NFIA: variants seen among roughly 807,000 people sequenced by gnomAD.
NFIA encodes the protein nuclear factor 1 A-type.
In NFIA, 8 loss-of-function variants were observed where a neutral mutation model predicts 62.8. The ratio of observed to expected loss-of-function variants is 0.13; its 90% confidence interval spans 0.07 to 0.23. The LOEUF (loss-of-function observed/expected upper bound fraction) is 0.23. Among genes scored for constraint, NFIA ranks in the 10% least tolerant of loss-of-function variants. The pLI is 1.00. For synonymous variants in NFIA, 235 were observed against 238.1 expected, an observed-to-expected ratio of 0.99 and a Z score of 0.12; for missense variants, 410 against 642.1, an observed-to-expected ratio of 0.64 and a Z score of 3.91.
At chr1:61,188,349 C>A (rs191488955) in intron 2 of NFIA, among the ~76,000 whole-genome samples, 36 of 152,146 alleles carry the variant, frequency 2.4e-4, no homozygotes, top group African/African-American at 8.2e-4. Context: ...AGCAATAGCC[C>A]CTCCGAGCTC....
At chr1:61,448,524 G>T (rs191687680) in intron 10 of NFIA, among the ~76,000 whole-genome samples, 2 of 152,284 alleles carry the variant, frequency 1.3e-5, no homozygotes, top group Non-Finnish European at 1.5e-5. Flanking sequence ...TTCTGTAGTA[G>T]CCCCTAGCCA....
chr1:61,371,884 A>T (rs1036652458), intron 6 of NFIA, among the ~76,000 whole-genome samples: 1 of 152,128 alleles, frequency 6.6e-6, no homozygotes, highest in East Asian at 1.9e-4. Context: ...ATCTTGTCTA[A>T]AGACCTTTCC....
chr1:61,335,145 G>A (rs957454713), intron 4 of NFIA, among the ~76,000 whole-genome samples: 2 of 152,164 alleles, frequency 1.3e-5, no homozygotes, highest in African/African-American at 2.4e-5. Flanking sequence ...CTGTGTAATC[G>A]CTCTGGGACT....
chr1:61,277,360 C>A (rs988769502), intron 2 of NFIA, among the ~76,000 whole-genome samples, 160 bp from the exon 3 acceptor site: 1 of 152,228 alleles, frequency 6.6e-6, no homozygotes. Context: ...CCCTCTCTTT[C>A]TTTTCTCTTT....
Position 61,285,292 on chromosome 1 carries a change from C to T in NFIA, c.625+7707C>T, listed in dbSNP as rs553701333. On this transcript the variant is annotated intron_variant, in intron 3 of 10. Coordinates refer to ENST00000403491, the MANE Select transcript of NFIA (RefSeq NM_001134673.4). Reference sequence around the variant, plus strand: ...CCAGCGTGGTGAAAGATCAGAGGGGCGAGCTGGGGTCAGGAATTGGGTATG... The same window carrying T: ...CCAGCGTGGTGAAAGATCAGAGGGGTGAGCTGGGGTCAGGAATTGGGTATG... 1.2e-4 allele frequency among the ~76,000 whole-genome samples: 18 copies of T among 152,170 alleles called. No homozygotes were observed. In the East Asian group the frequency reaches 1.4e-3, roughly 11 times the overall value.
intron 3 of NFIA, among the ~76,000 whole-genome samples, chr1:61,289,911 CATAA>C (rs998881362): frequency 1.3e-5 from 2 of 152,020 alleles, no homozygotes; most frequent in African/African-American, 4.8e-5. Context: ...TGCAACAATC[CATAA>C]ATAGATACTC....
intron 2 of NFIA, among the ~76,000 whole-genome samples, chr1:61,180,202 T>C (rs1001675668): frequency 6.6e-6 from 1 of 152,072 alleles, no homozygotes; most frequent in African/African-American, 2.4e-5. Context: ...AGCCCCTGGC[T>C]TGAACTCCGT....
At chr1:61,084,953 G>A (rs999067374) in intron 1 of NFIA, among the ~76,000 whole-genome samples, 1 of 151,316 alleles carries the variant, frequency 6.6e-6, no homozygotes, top group Admixed American at 6.6e-5. Flanking sequence ...TGCTTATTTA[G>A]TGTAACAGTT....
chr1:61,161,248 G>A (rs911305898), intron 2 of NFIA, among the ~76,000 whole-genome samples: 4 of 152,138 alleles, frequency 2.6e-5, no homozygotes, highest in Non-Finnish European at 5.9e-5. Context: ...TTACGGTTAC[G>A]TTTCCTTTAT....
At position 61,352,416 on chromosome 1, in the gene NFIA, T is replaced by G. The variant is rs201839006; in HGVS notation, c.701-34T>G. 4.2e-5 allele frequency: 61 copies of G among 1,448,936 alleles called. No individual in the cohort carries two copies. In the African/African-American group the frequency reaches 7.0e-4, roughly 17 times the overall value. The allele number at this position is 1,448,936 out of a possible 1,614,324, so 89.8% of individuals were successfully genotyped here. On this transcript the variant is annotated intron_variant, in intron 4 of 10. Coordinates refer to ENST00000403491, the MANE Select transcript of NFIA (RefSeq NM_001134673.4). The stretch of plus-strand genomic sequence containing the variant: ...GTCATTGATTTTTTTATCCACAGAA[T>G]TTAACTGATTTTTGTTTGTTTTCTT...
intron 10 of NFIA, among the ~76,000 whole-genome samples, chr1:61,443,738 G>A (rs1667688184): frequency 1.3e-5 from 2 of 152,218 alleles, no homozygotes; most frequent in African/African-American, 4.8e-5. Context: ...TCAGAGAGAA[G>A]TTGAGAAGGA....
intron 2 of NFIA, among the ~76,000 whole-genome samples, chr1:61,170,868 G>C (rs748376843): frequency 3.9e-5 from 6 of 152,072 alleles, no homozygotes; most frequent in Admixed American, 6.6e-5. Context: ...TAAAGAAGCA[G>C]ACTTTGTTGT....
chr1:61,233,090 A>AT lies in NFIA; in HGVS notation c.560-44429dup, dbSNP rs1411027677. On this transcript the variant is annotated intron_variant, in intron 2 of 10. Coordinates refer to ENST00000403491, the MANE Select transcript of NFIA (RefSeq NM_001134673.4). ...CTCTGGAGCACTGCTTTTTAAAAAAATGTTCTTTCTTTTTTCCCCCTCCCT... is the reference window on the plus strand; with the variant it reads ...CTCTGGAGCACTGCTTTTTAAAAAAATTGTTCTTTCTTTTTTCCCCCTCCCT... 2.6e-5 allele frequency among the ~76,000 whole-genome samples: 4 copies of AT among 152,156 alleles called. No individual in the cohort carries two copies. In the East Asian group the frequency reaches 7.7e-4, roughly 29 times the overall value.
In NFIA at chr1:61,458,748, C is replaced by T. The variant is rs1417360872; in HGVS notation, c.*3428C>T. On this transcript the variant is annotated 3_prime_UTR_variant, in exon 11 of 11. Transcript: ENST00000403491. ...TTATTTTTTTCTCTCAATGGTATAG[C>T]ATATTCCTATGCTTGAGAAGTATAG... is the stretch of plus-strand genomic sequence containing the variant. The T allele has an allele frequency of 6.9e-6, 1 of 144,808 alleles. No homozygotes were observed. Among genetic ancestry groups the T allele is most frequent in the African/African-American group, 2.6e-5 (1 of 38,968 alleles). The allele number at this position is 144,808 out of a possible 1,614,324, so 9.0% of individuals were successfully genotyped here.
At chr1:61,351,992 A>G (rs901636260) in intron 4 of NFIA, among the ~76,000 whole-genome samples, 4 of 152,250 alleles carry the variant, frequency 2.6e-5, no homozygotes, top group African/African-American at 9.6e-5. Flanking sequence ...CACACATTTC[A>G]TGTTATAAGA....
chr1:61,328,637 T>C (rs1459870482), intron 3 of NFIA, among the ~76,000 whole-genome samples: 1 of 151,988 alleles, frequency 6.6e-6, no homozygotes, highest in Non-Finnish European at 1.5e-5. Context: ...CAGGCTGGTC[T>C]CTAACTCCCG....
At chr1:61,313,197 G>A (rs1175092542) in intron 3 of NFIA, among the ~76,000 whole-genome samples, 1 of 152,146 alleles carries the variant, frequency 6.6e-6, no homozygotes, top group Admixed American at 6.5e-5. Context: ...GTTGTTTGAT[G>A]AACCACACTA....
chr1:61,312,437 GT>G (rs1660167510), intron 3 of NFIA, among the ~76,000 whole-genome samples: 1 of 151,930 alleles, frequency 6.6e-6, no homozygotes, highest in South Asian at 2.1e-4. Context: ...CTAAATTGTG[GT>G]TTTTAGTGAC....
intron 10 of NFIA, among the ~76,000 whole-genome samples, chr1:61,440,768 T>G (rs1489389910): frequency 6.6e-6 from 1 of 152,168 alleles, no homozygotes; most frequent in Non-Finnish European, 1.5e-5. Context: ...CTTTGGATTT[T>G]TATGAAGAGG....
Sources: gnomAD v4.1 joint callset for allele counts (sites outside exome capture counted in the v4.1 genomes callset) on GRCh38, gnomAD v4.1.1 for gene constraint, MANE v1.5 for transcripts, NCBI Gene and HGNC (gene_info 2026-07-23, HGNC 2026-07-21) for gene names.